Variants in VPS13A observed in about 807,000 individuals in gnomAD.
VPS13A encodes the protein intermembrane lipid transfer protein VPS13A.
Under a neutral mutation model 390.9 loss-of-function variants are expected in VPS13A, and 264 were observed. That is an observed-to-expected ratio of 0.68 (90% CI 0.61 to 0.75). The LOEUF (loss-of-function observed/expected upper bound fraction) is 0.75. VPS13A is among the 30% of genes least tolerant of loss of function. VPS13A has a pLI of 0.00. For missense variants in VPS13A, 3,409 were observed against 3,733.9 expected (o/e 0.91, Z 2.27); for synonymous variants, 1,231 against 1,227.1 (o/e 1.00, Z -0.07).
At position 77,356,884 on chromosome 9, in the gene VPS13A, CT is replaced by C. The variant is rs1563954928; in HGVS notation, c.7806+18del. 1 of 1,612,912 alleles carries C rather than the reference CT, an allele frequency of 6.2e-7. No individual in the cohort carries two copies. The highest frequency in any genetic ancestry group is 1.1e-5 in the South Asian group (1 of 90,894). ...AATGTTCCGGTAATATTTTTAAGTA[CT>C]GATGTGAAGTTTTAATTTTTTGCCT... On this transcript the variant is annotated intron_variant, in intron 55 of 71. Transcript: ENST00000360280.
chr9:77,412,055 G>C (rs1267089992), intron 71 of VPS13A, among the ~76,000 whole-genome samples: 2 of 152,082 alleles, frequency 1.3e-5, no homozygotes, highest in African/African-American at 4.8e-5. Context: ...AAGAAGTTGA[G>C]TCTCTGAAGA....
At chr9:77,292,330 C>T in intron 31 of VPS13A, among the ~76,000 whole-genome samples, 1 of 152,138 alleles carries the variant, frequency 6.6e-6, no homozygotes, top group African/African-American at 2.4e-5. Context: ...CTCCTCTCTA[C>T]CACAAGTGAG....
intron 67 of VPS13A, among the ~76,000 whole-genome samples, chr9:77,376,925 A>G (rs967458012): frequency 1.6e-4 from 24 of 152,306 alleles, no homozygotes; most frequent in Admixed American, 1.5e-3. Flanking sequence ...AAAGGAGGCT[A>G]AAAAGAAATG....
chr9:77,277,347 C>T (rs1220126080), intron 26 of VPS13A, among the ~76,000 whole-genome samples: 2 of 152,074 alleles, frequency 1.3e-5, no homozygotes, highest in Non-Finnish European at 2.9e-5. Flanking sequence ...CTCCTTGTAC[C>T]CACACCTGCA....
chr9:77,357,093 G>A (rs1269775460), intron 55 of VPS13A, among the ~76,000 whole-genome samples: 3 of 152,010 alleles, frequency 2.0e-5, no homozygotes, highest in Admixed American at 6.6e-5. Flanking sequence ...GCTGAGGCAG[G>A]CGGATTACTT....
chr9:77,383,580 TTA>T (rs1414221940), intron 68 of VPS13A, among the ~76,000 whole-genome samples: 1 of 152,056 alleles, frequency 6.6e-6, no homozygotes, highest in Non-Finnish European at 1.5e-5. Context: ...TATATCCTCA[TTA>T]TAAGTGAGCA....
In VPS13A at chr9:77,337,348, AAAG is replaced by A; in HGVS notation, c.6195_6197del (p.Lys2066del). The A allele has an allele frequency of 6.2e-7, 1 of 1,612,342 alleles. No homozygotes were observed. The highest frequency in any genetic ancestry group is 8.5e-7 in the Non-Finnish European group (1 of 1,178,650). Reference sequence around the variant, plus strand: ...TTATAAAAAATGATGGTGCTCTTCTAAAGAAGAAATGTAGATCTAAAAACCCTT... The same window carrying A: ...TTATAAAAAATGATGGTGCTCTTCTAAAGAAATGTAGATCTAAAAACCCTT... On this transcript the variant is annotated inframe_deletion, in exon 47 of 72. Transcript: ENST00000360280.
Position 77,370,254 on chromosome 9 carries a change from T to A in VPS13A, c.8668-3T>A. 1 of 1,614,044 alleles carries A rather than the reference T, an allele frequency of 6.2e-7. No individual in the cohort carries two copies. The highest frequency in any genetic ancestry group is 8.5e-7 in the Non-Finnish European group (1 of 1,179,950). On this transcript the variant is annotated splice_polypyrimidine_tract_variant and splice_region_variant and intron_variant, in intron 63 of 71. Transcript: ENST00000360280. Reference sequence around the variant, plus strand: ...CTCATTTATTTACTATTTGGCCCTTTAGGGAGCCATCCAGGGTCCTGAAGA... The same window carrying A: ...CTCATTTATTTACTATTTGGCCCTTAAGGGAGCCATCCAGGGTCCTGAAGA...
At chr9:77,377,281 G>A (rs1424293208) in intron 67 of VPS13A, among the ~76,000 whole-genome samples, 1 of 136,642 alleles carries the variant, frequency 7.3e-6, no homozygotes, top group South Asian at 2.4e-4. Flanking sequence ...CTGCAGTGGC[G>A]CAATCTCGGC....
intron 33 of VPS13A, among the ~76,000 whole-genome samples, chr9:77,299,794 A>T (rs1280594827): frequency 6.6e-6 from 1 of 152,182 alleles, no homozygotes; most frequent in African/African-American, 2.4e-5. Context: ...TGAAGCTGGA[A>T]ACCATCATTC....
chr9:77,324,760 C>T (rs997411058), intron 45 of VPS13A, among the ~76,000 whole-genome samples: 8 of 148,936 alleles, frequency 5.4e-5, no homozygotes, highest in African/African-American at 1.2e-4. Flanking sequence ...TCACTGGAGC[C>T]GCATCTCCTG....
intron 19 of VPS13A, among the ~76,000 whole-genome samples, chr9:77,239,457 T>C (rs1160623705): frequency 1.3e-5 from 2 of 152,250 alleles, no homozygotes; most frequent in Non-Finnish European, 2.9e-5. Context: ...AAATTATTTT[T>C]CCTCCTATAA....
At chr9:77,397,331 A>T (rs1834156511) in intron 68 of VPS13A, among the ~76,000 whole-genome samples, 1 of 151,822 alleles carries the variant, frequency 6.6e-6, no homozygotes, top group Non-Finnish European at 1.5e-5. Flanking sequence ...ATTTTTTTTT[A>T]AACGTTCATA....
chr9:77,248,793 G>A (rs1419971146), intron 20 of VPS13A, among the ~76,000 whole-genome samples: 2 of 151,912 alleles, frequency 1.3e-5, no homozygotes, highest in Non-Finnish European at 2.9e-5. Context: ...GTGCGGTGGC[G>A]TGATTTCAGC....
intron 1 of VPS13A, among the ~76,000 whole-genome samples, chr9:77,190,914 A>G (rs986563358): frequency 1.3e-5 from 2 of 151,922 alleles, no homozygotes; most frequent in African/African-American, 4.8e-5. Context: ...GGTCGGTGGT[A>G]ATGTCCCCTT....
Position 77,303,077 on chromosome 9 carries a change from A to T in VPS13A, c.3960+15A>T. 1.9e-6 allele frequency: 3 copies of T among 1,613,710 alleles called. No homozygotes were observed. Among genetic ancestry groups the T allele is most frequent in the Non-Finnish European group, 2.5e-6 (3 of 1,179,836 alleles). ...AACCAATGGAGGTAACTTTTTTTGGATACTTATCAATTTTTGTTTTGCTTG... is the reference window on the plus strand; with the variant it reads ...AACCAATGGAGGTAACTTTTTTTGGTTACTTATCAATTTTTGTTTTGCTTG... On this transcript the variant is annotated intron_variant, in intron 34 of 71. Transcript: ENST00000360280.
At chr9:77,364,421 G>A (rs1186017535) in intron 59 of VPS13A, among the ~76,000 whole-genome samples, 1 of 151,902 alleles carries the variant, frequency 6.6e-6, no homozygotes, top group Non-Finnish European at 1.5e-5. Flanking sequence ...GCGAGACTCC[G>A]TCTCGAAAAA....
intron 20 of VPS13A, among the ~76,000 whole-genome samples, chr9:77,249,222 C>T (rs1311476991): frequency 3.9e-5 from 6 of 152,098 alleles, no homozygotes; most frequent in African/African-American, 1.4e-4. Context: ...TGACATCTTC[C>T]CTTATCCTAT....
chr9:77,404,149 G>GT (rs1334116380), intron 69 of VPS13A, among the ~76,000 whole-genome samples: 3 of 152,106 alleles, frequency 2.0e-5, no homozygotes, highest in Non-Finnish European at 4.4e-5. Flanking sequence ...CCTGTAAAAA[G>GT]TAAGTCTTCA....
Sources: gnomAD v4.1 joint callset for allele counts (sites outside exome capture counted in the v4.1 genomes callset) on GRCh38, gnomAD v4.1.1 for gene constraint, MANE v1.5 for transcripts, NCBI Gene and HGNC (gene_info 2026-07-23, HGNC 2026-07-21) for gene names.